Variants in PCDHA5 observed in about 807,000 individuals in gnomAD.
PCDHA5 encodes protocadherin alpha 5.
Under a neutral mutation model 61.6 loss-of-function variants are expected in PCDHA5, and 43 were observed. The ratio of observed to expected loss-of-function variants is 0.70; its 90% CI spans 0.55 to 0.90. PCDHA5 has a LOEUF of 0.90. Among genes scored for constraint, PCDHA5 ranks in the 40% least tolerant of loss-of-function variants. The probability of loss-of-function intolerance (pLI) is 0.00; values close to 1 mark genes in which losing one functional copy is unlikely to be tolerated. For synonymous variants in PCDHA5, 627 were observed against 543.9 expected (o/e 1.15, Z -2.13); for missense variants, 1,298 against 1,222.7 (o/e 1.06, Z -0.92).
In PCDHA5 at chr5:140,821,769, G is replaced by A; in HGVS notation, c.-7G>A. The stretch of plus-strand genomic sequence containing the variant: ...AATAGAAAGCTCATAATTGGAACGA[G>A]ATTGAGATGGTATATTCCCGGAGAG... On this transcript the variant is annotated 5_prime_UTR_variant, in exon 1 of 4. Coordinates refer to ENST00000529859, the MANE Select transcript of PCDHA5 (RefSeq NM_018908.3). The A allele has an allele frequency of 6.2e-7, 1 of 1,602,728 alleles. No homozygotes were observed. Among genetic ancestry groups the A allele is most frequent in the South Asian group, 1.1e-5 (1 of 89,422 alleles).
At chr5:141,006,363 C>A (rs2098270160) in intron 3 of PCDHA5, among the ~76,000 whole-genome samples, 1 of 152,080 alleles carries the variant, frequency 6.6e-6, no homozygotes, top group Non-Finnish European at 1.5e-5. Context: ...AGGCGCCCAC[C>A]ACCACGCCCG....
chr5:140,885,465 C>T (rs1363216895), intron 1 of PCDHA5, among the ~76,000 whole-genome samples: 1 of 152,144 alleles, frequency 6.6e-6, no homozygotes, highest in Non-Finnish European at 1.5e-5. Context: ...TAATGATGGG[C>T]AATCACTTTG....
chr5:140,975,156 G>A (rs1404839334), intron 1 of PCDHA5, among the ~76,000 whole-genome samples: 15 of 152,174 alleles, frequency 9.9e-5, no homozygotes, highest in Non-Finnish European at 2.1e-4. Context: ...AGTTCCTAGA[G>A]AACTGAGGAC....
At chr5:140,893,593 T>C (rs1433494751) in intron 1 of PCDHA5, among the ~76,000 whole-genome samples, 5 of 152,244 alleles carry the variant, frequency 3.3e-5, no homozygotes, top group African/African-American at 1.2e-4. Context: ...TGGGAAATAC[T>C]TTATTTCTCC....
intron 1 of PCDHA5, among the ~76,000 whole-genome samples, chr5:140,934,231 C>T (rs2089713851): frequency 6.6e-6 from 1 of 152,014 alleles, no homozygotes; most frequent in African/African-American, 2.4e-5. Context: ...AAGATTTGTA[C>T]TTAATTGTGG....
intron 1 of PCDHA5, chr5:140,928,828 C>G (rs199775949): frequency 6.2e-7 from 1 of 1,614,160 alleles, no homozygotes. Context: ...AGACCCACCA[C>G]TTTCCTCCTC....
chr5:140,992,342 T>C (rs2097506091), intron 3 of PCDHA5, among the ~76,000 whole-genome samples: 1 of 152,102 alleles, frequency 6.6e-6, no homozygotes. Flanking sequence ...AAGATGGAAA[T>C]GTGGAGAGAG....
chr5:140,950,865 T>C (rs1419138561), intron 1 of PCDHA5, among the ~76,000 whole-genome samples: 1 of 152,098 alleles, frequency 6.6e-6, no homozygotes, highest in Non-Finnish European at 1.5e-5. Context: ...TTCTTGTATA[T>C]TCTATATTGT....
intron 3 of PCDHA5, among the ~76,000 whole-genome samples, chr5:140,986,473 CA>C (rs1217616254): frequency 6.6e-6 from 1 of 152,192 alleles, no homozygotes; most frequent in Non-Finnish European, 1.5e-5. Context: ...CTCTTGTGAT[CA>C]GTTCCTAGGG....
chr5:140,853,985 G>A (rs1007400515), intron 1 of PCDHA5: 2 of 520,646 alleles, frequency 3.8e-6, no homozygotes, highest in East Asian at 1.4e-4. Context: ...CCAATGTAGT[G>A]AGACTCATCT....
intron 1 of PCDHA5, among the ~76,000 whole-genome samples, chr5:140,906,837 A>C (rs543572104): frequency 2.0e-4 from 31 of 152,292 alleles, no homozygotes; most frequent in African/African-American, 7.5e-4. Flanking sequence ...GACTGATTTC[A>C]TCTTGAGAGT....
At chr5:140,869,083 T>C in intron 1 of PCDHA5, 1 of 1,582,990 alleles carries the variant, frequency 6.3e-7, no homozygotes, top group Non-Finnish European at 8.6e-7. Flanking sequence ...AAGCTTATTT[T>C]GGAAGCCAAT....
intron 1 of PCDHA5, among the ~76,000 whole-genome samples, chr5:140,964,195 T>C (rs2095816434): frequency 6.6e-6 from 1 of 152,216 alleles, no homozygotes; most frequent in South Asian, 2.1e-4. Context: ...AAATAGAGTA[T>C]ACCATCTCTT....
intron 1 of PCDHA5, chr5:140,834,289 T>G: frequency 8.4e-7 from 1 of 1,186,076 alleles, no homozygotes; most frequent in Non-Finnish European, 1.2e-6. Flanking sequence ...TGCACAACAA[T>G]GGCCACACAT....
intron 1 of PCDHA5, chr5:140,841,122 T>A (rs1777037982): frequency 1.6e-6 from 1 of 640,424 alleles, no homozygotes; most frequent in South Asian, 2.2e-5. Flanking sequence ...CATGTAATCA[T>A]TACCTTTTGA....
intron 1 of PCDHA5, among the ~76,000 whole-genome samples, chr5:140,950,273 T>G (rs1218178621): frequency 6.6e-5 from 10 of 152,008 alleles, no homozygotes; most frequent in African/African-American, 1.9e-4. Flanking sequence ...CCATAATGTC[T>G]TTTTGCTTCA....
intron 1 of PCDHA5, chr5:140,848,990 C>T (rs2150428004): frequency 4.4e-6 from 7 of 1,597,248 alleles, no homozygotes; most frequent in Middle Eastern, 1.7e-4. Flanking sequence ...TCGGGGAGAA[C>T]GCCCTGCTCA....
chr5:140,982,967 T>C (rs1395576199), intron 3 of PCDHA5, among the ~76,000 whole-genome samples: 1 of 150,996 alleles, frequency 6.6e-6, no homozygotes, highest in Non-Finnish European at 1.5e-5. Flanking sequence ...CCACCCAAAG[T>C]AGTAAGGAAA....
intron 1 of PCDHA5, chr5:140,825,402 A>G (rs1474755792): frequency 1.4e-5 from 2 of 146,354 alleles, no homozygotes; most frequent in East Asian, 3.9e-4. Context: ...CTAATATATT[A>G]TATATTTTAT....
Sources: gnomAD v4.1 joint callset for allele counts (sites outside exome capture counted in the v4.1 genomes callset) on GRCh38, gnomAD v4.1.1 for gene constraint, MANE v1.5 for transcripts, NCBI Gene and HGNC (gene_info 2026-07-23, HGNC 2026-07-21) for gene names.